IL31: variants seen among roughly 807,000 people sequenced by gnomAD.
IL31 encodes the protein interleukin-31.
A neutral mutation model predicts 7.8 loss-of-function variants in IL31; 8 were observed. The ratio of observed to expected loss-of-function variants is 1.02; its 90% CI spans 0.60 to 1.84. The LOEUF is 1.84. Among genes scored for constraint, IL31 ranks in the 40% most tolerant of loss-of-function variants. The pLI, the probability that IL31 is intolerant of heterozygous loss-of-function variation, is 0.00. For missense variants in IL31, 162 were observed against 205.6 expected (o/e 0.79, Z 1.30); for synonymous variants, 87 against 86.5 (o/e 1.01, Z -0.03).
rs750514098 is a variant in IL31 at position 122,173,908 on chromosome 12, G to C, written c.101C>G (p.Pro34Arg). Residue 34 changes from proline to arginine, a missense_variant, in exon 2 of 3, where the codon CCA (proline) becomes CGA (arginine). Coordinates refer to ENST00000377035, the MANE Select transcript of IL31 (RefSeq NM_001014336.2). The part of the protein sequence containing the change: ...SHTLPVRLLR[P>R]SDDVQKIVEE... Reference sequence around the variant, plus strand: ...GACTATTTTCTGTACATCATCACTTGGTCGTAGTAAACGGACGGGCAACGT... The same window carrying C: ...GACTATTTTCTGTACATCATCACTTCGTCGTAGTAAACGGACGGGCAACGT... The C allele has an allele frequency of 2.2e-5, 36 of 1,613,908 alleles. No homozygotes were observed. The Admixed American group carries it at 5.7e-4, about 25-fold the overall frequency.
At chr12:122,173,792 T>A (rs745959149) in intron 2 of IL31, 52 bp downstream of exon 2, 45 of 1,543,802 alleles carry the variant, frequency 2.9e-5, no homozygotes, top group Non-Finnish European at 3.8e-5. Context: ...TGGAGGGCAA[T>A]GGAAGGCATT....
At chr12:122,172,842 T>A in intron 2 of IL31, 101 bp from the exon 3 acceptor site, 1 of 885,690 alleles carries the variant, frequency 1.1e-6, no homozygotes, top group Non-Finnish European at 1.7e-6. Context: ...GCCTCGTTGA[T>A]ATATTTATCT....
intron 2 of IL31, among the ~76,000 whole-genome samples, chr12:122,173,056 G>A (rs1013888032): frequency 6.6e-6 from 1 of 152,104 alleles, no homozygotes; most frequent in Non-Finnish European, 1.5e-5. Context: ...GCAGCTCCCC[G>A]CCCTTTGGGA....
rs1953490856 is a variant in IL31 at position 122,172,158 on chromosome 12, A to T, written c.*254T>A. 2.5e-6 allele frequency: 1 copy of T among 397,756 alleles called. No individual in the cohort carries two copies. Among genetic ancestry groups the T allele is most frequent in the African/African-American group, 2.0e-5 (1 of 49,354 alleles). The allele number at this position is 397,756 out of a possible 1,614,324, so 24.6% of individuals were successfully genotyped here. The stretch of plus-strand genomic sequence containing the variant: ...CCACCTCCCACCCTCACGAGGGTAT[A>T]ATAAGTAAGACTTAAGCCTGCAGAA... On this transcript the variant is annotated 3_prime_UTR_variant, in exon 3 of 3. Transcript: ENST00000377035.
chr12:122,172,717 C>T lies in IL31; in HGVS notation c.190G>A (p.Val64Met), dbSNP rs148866660. 1.1e-5 allele frequency: 18 copies of T among 1,612,530 alleles called. No homozygotes were observed. In the East Asian group the frequency reaches 1.3e-4, roughly 12 times the overall value. Residue 64 changes from valine to methionine, a missense_variant, in exon 3 of 3, where the codon GTG (valine) becomes ATG (methionine). Transcript: ENST00000377035. ...KDVEEEKGVL[V>M]SQNYTLPCLS... Reference sequence around the variant, plus strand: ...CACGGCAGCGTGTAATTCTGGGACACGAGCACGCCCTTCTCTTCCTCCACC... The same window carrying T: ...CACGGCAGCGTGTAATTCTGGGACATGAGCACGCCCTTCTCTTCCTCCACC...
Position 122,173,871 on chromosome 12 carries a change from C to T in IL31, c.138G>A (p.Gln46=). ...CTTTCAAAAGCATCTTCGAGAGGGACTGTAATTCCTCGACTATTTTCTGTA... is the reference window on the plus strand; with the variant it reads ...CTTTCAAAAGCATCTTCGAGAGGGATTGTAATTCCTCGACTATTTTCTGTA... ...DDVQKIVEEL[Q]SLSKMLLKDV... Residue 46 remains glutamine, a synonymous_variant, in exon 2 of 3, where the codon CAG becomes CAA. Transcript: ENST00000377035. The T allele has an allele frequency of 6.2e-7, 1 of 1,614,062 alleles. No individual in the cohort carries two copies. Among genetic ancestry groups the T allele is most frequent in the South Asian group, 1.1e-5 (1 of 91,078 alleles).
intron 2 of IL31, among the ~76,000 whole-genome samples, chr12:122,173,547 G>A (rs1473366324): frequency 1.3e-5 from 2 of 152,148 alleles, no homozygotes; most frequent in East Asian, 1.9e-4. Context: ...AGCTGGGCGT[G>A]GTGGCGCATG....
chr12:122,174,165 G>A lies in IL31; in HGVS notation c.8C>T (p.Ser3Phe). MA[S>F]HSGPSTSVLF... ...ACCAGGACCAGTGATACCTGAGTGA[G>A]AGGCCATGGCGAGAGAGAGCAAGGC... The change falls in exon 1 of 3, where the codon TCT (serine) becomes TTT (phenylalanine). Residue 3 changes from serine (S) to phenylalanine (F), a missense_variant. By Grantham distance (155) the Ser-to-Phe change is radical (BLOSUM62 -2). Transcript: ENST00000377035. The A allele has an allele frequency of 6.2e-7, 1 of 1,614,158 alleles. No individual in the cohort carries two copies. Among genetic ancestry groups the A allele is most frequent in the Non-Finnish European group, 8.5e-7 (1 of 1,180,046 alleles).
In IL31 at chr12:122,172,263, C is replaced by A; in HGVS notation, c.*149G>T. The A allele has an allele frequency of 1.6e-6, 1 of 612,406 alleles. No homozygotes were observed. The highest frequency in any genetic ancestry group is 2.7e-5 in the East Asian group (1 of 36,402). The allele number at this position is 612,406 out of a possible 1,614,324, so 37.9% of individuals were successfully genotyped here. On this transcript the variant is annotated 3_prime_UTR_variant, in exon 3 of 3. Coordinates refer to ENST00000377035, the MANE Select transcript of IL31 (RefSeq NM_001014336.2). ...GTAATTCACAAATTCACATCTCAGC[C>A]CTCCCGGGACTAGCCCATATGAGGG... is the stretch of plus-strand genomic sequence containing the variant.
Position 122,172,388 on chromosome 12 carries a change from C to T in IL31, c.*24G>A, listed in dbSNP as rs181507337. Reference sequence around the variant, plus strand: ...CTTTTTAAGGCTCCTTAAGTTCCTGCCAATCCGAAAGGAAGAGATGGCCTT... The same window carrying T: ...CTTTTTAAGGCTCCTTAAGTTCCTGTCAATCCGAAAGGAAGAGATGGCCTT... On this transcript the variant is annotated 3_prime_UTR_variant, in exon 3 of 3. Coordinates refer to ENST00000377035, the MANE Select transcript of IL31 (RefSeq NM_001014336.2). 4 of 1,559,264 alleles carry T rather than the reference C, an allele frequency of 2.6e-6. No homozygotes were observed. The highest frequency in any genetic ancestry group is 3.5e-6 in the Non-Finnish European group (4 of 1,138,402).
At chr12:122,173,340 A>G (rs1322516846) in intron 2 of IL31, among the ~76,000 whole-genome samples, 25 of 152,226 alleles carry the variant, frequency 1.6e-4, no homozygotes, top group Non-Finnish European at 4.4e-5. Context: ...TGAGAAGAGT[A>G]ATGCCAATTT....
At position 122,173,891 on chromosome 12, in the gene IL31, T is replaced by C. The variant is rs1227279447; in HGVS notation, c.118A>G (p.Lys40Glu). ...AGGGACTGTAATTCCTCGACTATTT[T>C]CTGTACATCATCACTTGGTCGTAGT... The part of the protein sequence containing the change: ...RLLRPSDDVQ[K>E]IVEELQSLSK... Residue 40 changes from lysine to glutamate, a missense_variant, in exon 2 of 3, where the codon AAA becomes GAA. Coordinates refer to ENST00000377035, the MANE Select transcript of IL31 (RefSeq NM_001014336.2). The C allele has an allele frequency of 1.2e-6, 2 of 1,613,996 alleles. No homozygotes were observed. Among genetic ancestry groups the C allele is most frequent in the Non-Finnish European group, 1.7e-6 (2 of 1,180,012 alleles).
Sources: gnomAD v4.1 joint callset for allele counts (sites outside exome capture counted in the v4.1 genomes callset) on GRCh38, gnomAD v4.1.1 for gene constraint, MANE v1.5 for transcripts, NCBI Gene and HGNC (gene_info 2026-07-23, HGNC 2026-07-21) for gene names.